The following TTN variants were observed in gnomAD, a reference collection of about 807,000 sequenced individuals.
TTN encodes connectin.
Under a neutral mutation model 3,223.0 loss-of-function variants are expected in TTN, and 1,525 were observed. The observed-to-expected ratio is 0.47, with a 90% CI of 0.45 to 0.49. The LOEUF (loss-of-function observed/expected upper bound fraction) is 0.49, where lower values mean the gene tolerates loss of function less well. TTN is among the 20% of genes least tolerant of loss of function. The probability of loss-of-function intolerance (pLI) is 0.00; values close to 1 mark genes in which losing one functional copy is unlikely to be tolerated. For synonymous variants in TTN, 14,094 were observed against 15,161.0 expected (o/e 0.93, Z 5.17); for missense variants, 40,786 against 43,424.0 (o/e 0.94, Z 5.40).
rs574316788 is a variant in TTN at position 178,592,849 on chromosome 2, A to G, written c.59270T>C (p.Val19757Ala). The stretch of plus-strand genomic sequence containing the variant: ...TTCACCAGCTGCATTGACTGCTAAC[A>G]CTCTAAACTTATAGGTTTGACCGTC... ...LRDGQTYKFR[V>A]LAVNAAGESD... Residue 19757 changes from valine to alanine, a missense_variant, in exon 300 of 363, where the codon GTG (valine) becomes GCG (alanine). Coordinates refer to ENST00000589042, the MANE Select transcript of TTN (RefSeq NM_001267550.2). The G allele has an allele frequency of 8.1e-6, 13 of 1,613,356 alleles. No individual in the cohort carries two copies. In the Admixed American group the frequency reaches 2.0e-4, roughly 25 times the overall value.
Position 178,553,661 on chromosome 2 carries a change from T to A in TTN, c.89344A>T (p.Thr29782Ser). Residue 29782 changes from threonine (T) to serine (S), a missense_variant, in exon 334 of 363, where the codon ACT becomes TCT. Transcript: ENST00000589042. ...ACCTCTCCTTTGGTAGAGACAGTAG[T>A]CCATTCCTCTTCCTCTCCTTGTCTT... ...EIRQGEEEEW[T>S]TVSTKGEVRT... 1 of 1,613,864 alleles carries A rather than the reference T, an allele frequency of 6.2e-7. No homozygotes were observed. The highest frequency in any genetic ancestry group is 1.7e-5 in the Admixed American group (1 of 60,006).
chr2:178,807,367 T>C lies in TTN; in HGVS notation c.-169A>G, dbSNP rs950219265. ...AACTACACAGTCAAGACTGTGTAGTTTTGCTTTTCTATGCAATCCCTACAC... is the reference window on the plus strand; with the variant it reads ...AACTACACAGTCAAGACTGTGTAGTCTTGCTTTTCTATGCAATCCCTACAC... On this transcript the variant is annotated 5_prime_UTR_variant, in exon 1 of 363. Coordinates refer to ENST00000589042, the MANE Select transcript of TTN (RefSeq NM_001267550.2). 4 of 152,014 alleles carry C rather than the reference T, an allele frequency of 2.6e-5. No homozygotes were observed. Among genetic ancestry groups the C allele is most frequent in the African/African-American group, 9.7e-5 (4 of 41,376 alleles). The allele number at this position is 152,014 out of a possible 1,614,324, so 9.4% of individuals were successfully genotyped here.
chr2:178,618,780 T>C lies in TTN; in HGVS notation c.46770A>G (p.Pro15590=). The C allele has an allele frequency of 1.9e-6, 3 of 1,611,612 alleles. No homozygotes were observed. The highest frequency in any genetic ancestry group is 3.3e-5 in the Admixed American group (2 of 59,822). Residue 15590 remains proline (P), a synonymous_variant, in exon 251 of 363, where the codon CCA becomes CCG. Coordinates refer to ENST00000589042, the MANE Select transcript of TTN (RefSeq NM_001267550.2). ...DVGKPLTMVV[P]YDAYPKAEAE... The stretch of plus-strand genomic sequence containing the variant: ...CTTCTGCTTTGGGGTAGGCATCATA[T>C]GGCACCACCATTGTCAGAGGCTTGC...
chr2:178,594,595 G>T lies in TTN; in HGVS notation c.57899C>A (p.Thr19300Asn), dbSNP rs979451740. ...AGGAGGATTCCAAGTCAAAGTTACAGTATTTTTAGTAACTTCTTTGACTTC... is the reference window on the plus strand; with the variant it reads ...AGGAGGATTCCAAGTCAAAGTTACATTATTTTTAGTAACTTCTTTGACTTC... The part of the protein sequence containing the change: ...DLEVKEVTKN[T>N]VTLTWNPPKY... The change falls in exon 296 of 363, where the codon ACT (threonine) becomes AAT (asparagine). Residue 19300 changes from threonine to asparagine, a missense_variant. Thr to Asn is a moderately conservative substitution (Grantham distance 65, BLOSUM62 0). Coordinates refer to ENST00000589042, the MANE Select transcript of TTN (RefSeq NM_001267550.2). 2.5e-6 allele frequency: 4 copies of T among 1,612,510 alleles called. No homozygotes were observed. In the Middle Eastern group the frequency reaches 6.6e-4, roughly 267 times the overall value.
chr2:178,707,946 C>T, intron 99 of TTN, 133 bp from the exon 100 acceptor site: 2 of 904,992 alleles, frequency 2.2e-6, no homozygotes, highest in South Asian at 2.0e-5. Flanking sequence ...GAATTATGTG[C>T]CTGGTTTATT....
intron 294 of TTN, 43 bp downstream of exon 294, chr2:178,597,495 A>G: frequency 6.4e-7 from 1 of 1,571,272 alleles, no homozygotes; most frequent in Non-Finnish European, 8.6e-7. Flanking sequence ...TATAATAAGA[A>G]TGTTGGTTTA....
At chr2:178,638,181 A>T (rs1323685793) in intron 223 of TTN, among the ~76,000 whole-genome samples, 1 of 151,946 alleles carries the variant, frequency 6.6e-6, no homozygotes, top group Non-Finnish European at 1.5e-5. Flanking sequence ...CCAAATCATA[A>T]ACATCAGCAA....
intron 102 of TTN, 105 bp from the exon 103 acceptor site, chr2:178,705,462 C>A (rs1003706103): frequency 1.1e-6 from 1 of 886,606 alleles, no homozygotes; most frequent in East Asian, 2.9e-5. Context: ...TTTCTATGTT[C>A]TTTATTCAAT....
Position 178,756,519 on chromosome 2 carries a change from T to TGCTAAAG in TTN, c.10956_10957insCTTTAGC (p.Lys3653LeufsTer2). 1 of 1,613,610 alleles carries TGCTAAAG rather than the reference T, an allele frequency of 6.2e-7. No homozygotes were observed. Among genetic ancestry groups the TGCTAAAG allele is most frequent in the South Asian group, 1.1e-5 (1 of 91,064 alleles). On this transcript the variant is annotated stop_gained and frameshift_variant, in exon 46 of 363. Coordinates refer to ENST00000589042, the MANE Select transcript of TTN (RefSeq NM_001267550.2). LOFTEE classifies it high-confidence loss of function. The stretch of plus-strand genomic sequence containing the variant: ...TTGGGCGCCTCACCCGTGGACTCTT[T>TGCTAAAG]AGCACATTCCTTAGATAGCTCAGTG...
intron 332 of TTN, 57 bp from the exon 333 acceptor site, chr2:178,554,273 A>G: frequency 6.7e-7 from 1 of 1,489,934 alleles, no homozygotes; most frequent in Non-Finnish European, 9.0e-7. Flanking sequence ...GATAAATTAT[A>G]CCTTTGATGT....
intron 98 of TTN, among the ~76,000 whole-genome samples, 161 bp from the exon 99 acceptor site, chr2:178,710,017 T>TA (rs1347211556): frequency 6.6e-6 from 1 of 152,242 alleles, no homozygotes; most frequent in African/African-American, 2.4e-5. Context: ...AGCCTCCTTC[T>TA]ACGAGCTTAT....
In TTN at chr2:178,539,219, C is replaced by T. The variant is rs182683829; in HGVS notation, c.98716G>A (p.Val32906Ile). Residue 32906 changes from valine (V) to isoleucine (I), a missense_variant, in exon 353 of 363, where the codon GTA (valine) becomes ATA (isoleucine). By Grantham distance (29) the Val-to-Ile change is conservative (BLOSUM62 3). Coordinates refer to ENST00000589042, the MANE Select transcript of TTN (RefSeq NM_001267550.2). ...ACAGAACTCTTGGTTACATCGAGTA[C>T]TTCTGGAGGATTGCTTGGAGGTTCT... ...PPEPPSNPPEVLDVTKSSVSL... is the reference protein window; with the variant it reads ...PPEPPSNPPEILDVTKSSVSL... 559 of 1,613,722 alleles carry T rather than the reference C, an allele frequency of 3.5e-4. 2 individuals carry two copies. Among genetic ancestry groups the T allele is most frequent in the Middle Eastern group, 1.7e-3 (10 of 6,058 alleles).
chr2:178,562,980 C>T lies in TTN; in HGVS notation c.83152G>A (p.Asp27718Asn). The change falls in exon 326 of 363, where the codon GAC becomes AAC. Residue 27718 changes from aspartate to asparagine, a missense_variant. Coordinates refer to ENST00000589042, the MANE Select transcript of TTN (RefSeq NM_001267550.2). Reference sequence around the variant, plus strand: ...CTGGTCACCTCTATCTGAGCCCTGTCAGTGAGAATGCCTTCTGCCTTTTCC... The same window carrying T: ...CTGGTCACCTCTATCTGAGCCCTGTTAGTGAGAATGCCTTCTGCCTTTTCC... ...KWEKAEGILT[D>N]RAQIEVTSSF... 6.2e-7 allele frequency: 1 copy of T among 1,613,718 alleles called. No individual in the cohort carries two copies. Among genetic ancestry groups the T allele is most frequent in the Non-Finnish European group, 8.5e-7 (1 of 1,179,762 alleles).
At chr2:178,650,863 T>A (rs2062820839) in intron 208 of TTN, 29 bp from the exon 209 acceptor site, 1 of 1,563,260 alleles carries the variant, frequency 6.4e-7, no homozygotes, top group African/African-American at 1.4e-5. Context: ...ATTTTTCTTA[T>A]GAGTAGTTGA....
At position 178,548,450 on chromosome 2, in the gene TTN, C is replaced by G. The variant is rs774647356; in HGVS notation, c.93176G>C (p.Ser31059Thr). Residue 31059 changes from serine (S) to threonine (T), a missense_variant, in exon 339 of 363, where the codon AGT becomes ACT. Transcript: ENST00000589042. This position sits in a 1 kb window ranked among gnomAD's most constrained non-coding sequence, Gnocchi z 4.3. ...HHYVVEKREASRRSWQVISEK... is the reference protein window; with the variant it reads ...HHYVVEKREATRRSWQVISEK... ...ACTGATAACCTGCCAACTACGGCGA[C>G]TTGCCTCTCGTTTCTCTACCACATA... 2 of 1,613,902 alleles carry G rather than the reference C, an allele frequency of 1.2e-6. No homozygotes were observed. The highest frequency in any genetic ancestry group is 1.1e-5 in the South Asian group (1 of 91,086).
Position 178,681,112 on chromosome 2 carries a change from C to T in TTN, c.33307G>A (p.Glu11103Lys). Reference sequence around the variant, plus strand: ...GCGGGTTCAGTCACCTGCTCTTTTTCACGTTTGGTAATTGAAATACGTATT... The same window carrying T: ...GCGGGTTCAGTCACCTGCTCTTTTTTACGTTTGGTAATTGAAATACGTATT... ...EKIRISITKR[E>K]KEQVTEPAAK... Residue 11103 changes from glutamate (E) to lysine (K), a missense_variant, in exon 138 of 363, where the codon GAA becomes AAA. Physicochemically the swap from Glu to Lys is moderately conservative, Grantham distance 56. Transcript: ENST00000589042. 6.2e-7 allele frequency: 1 copy of T among 1,604,656 alleles called. No individual in the cohort carries two copies. The highest frequency in any genetic ancestry group is 8.5e-7 in the Non-Finnish European group (1 of 1,177,106).
chr2:178,580,165 G>C lies in TTN; in HGVS notation c.67122C>G (p.Thr22374=). 1 of 1,613,252 alleles carries C rather than the reference G, an allele frequency of 6.2e-7. No individual in the cohort carries two copies. The highest frequency in any genetic ancestry group is 8.5e-7 in the Non-Finnish European group (1 of 1,179,488). The change falls in exon 318 of 363, where the codon ACC becomes ACG. Residue 22374 remains threonine (T), a synonymous_variant. Coordinates refer to ENST00000589042, the MANE Select transcript of TTN (RefSeq NM_001267550.2). ...KEISKDSAYV[T]WEPPIIDGGS... ...CGCCATCAATAATGGGAGGCTCCCA[G>C]GTAACATAAGCAGAGTCTTTGGATA... is the stretch of plus-strand genomic sequence containing the variant.
At chr2:178,684,816 T>G (rs2070418046) in intron 130 of TTN, 67 bp from the exon 131 acceptor site, 2 of 1,560,596 alleles carry the variant, frequency 1.3e-6, no homozygotes, top group Non-Finnish European at 8.7e-7. Context: ...GGCACACTTA[T>G]TTTCTGGTTA....
rs751169465 is a variant in TTN at position 178,684,334 on chromosome 2, T to C, written c.32718A>G (p.Ala10906=). The change falls in exon 132 of 363, where the codon GCA becomes GCG. Residue 10906 remains alanine (A), a synonymous_variant. Transcript: ENST00000589042. ...AVTKKEAPPK[A]RVPEEPKRAV... Reference sequence around the variant, plus strand: ...ATAATGGAAGGGCGGATGTACCTCTTGCTTTTGGAGGCGCCTCTTTTTTAG... The same window carrying C: ...ATAATGGAAGGGCGGATGTACCTCTCGCTTTTGGAGGCGCCTCTTTTTTAG... 6.2e-7 allele frequency: 1 copy of C among 1,613,288 alleles called. No homozygotes were observed. Among genetic ancestry groups the C allele is most frequent in the South Asian group, 1.1e-5 (1 of 90,948 alleles).
Sources: gnomAD v4.1 joint callset for allele counts (sites outside exome capture counted in the v4.1 genomes callset) on GRCh38, gnomAD v4.1.1 for gene constraint, Gnocchi (gnomAD v3.1) non-coding constraint, MANE v1.5 for transcripts, NCBI Gene and HGNC (gene_info 2026-07-23, HGNC 2026-07-21) for gene names.